CCDC141: variants seen among roughly 807,000 people sequenced by gnomAD.
The protein encoded by CCDC141 is coiled-coil domain-containing protein 141.
In CCDC141, 168 loss-of-function variants were observed where a neutral mutation model predicts 181.0. The observed-to-expected ratio is 0.93, with a 90% CI of 0.82 to 1.05. The LOEUF (loss-of-function observed/expected upper bound fraction) is 1.05, where lower values mean the gene tolerates loss of function less well. Among genes scored for constraint, CCDC141 ranks in the 50% least tolerant of loss-of-function variants. The pLI is 0.00. For missense variants in CCDC141, 1,902 were observed against 1,788.5 expected (o/e 1.06, Z -1.14); for synonymous variants, 666 against 642.3 (o/e 1.04, Z -0.56).
At chr2:179,001,119 T>C (rs2134739) in intron 2 of CCDC141, among the ~76,000 whole-genome samples, 130,602 of 152,110 alleles carry the variant, frequency 0.86, 56,899 homozygotes, top group Non-Finnish European at 0.93. Flanking sequence ...TGAGAAAATA[T>C]GAAAAAAGTC....
In CCDC141 at chr2:178,885,020, C is replaced by T. The variant is rs112292444; in HGVS notation, c.1600G>A (p.Val534Ile). 3.7e-4 allele frequency: 569 copies of T among 1,550,362 alleles called. 2 individuals carry two copies. The African/African-American group carries it at 6.5e-3, about 18-fold the overall frequency. ...EKNEFVSDEM[V>I]SLSSKARWLA... is the part of the protein sequence containing the mutation. ...CATCTAGCTTTAGAGGAAAGTGATACCATTTCATCAGATACAAATTCATTT... is the reference window on the plus strand; with the variant it reads ...CATCTAGCTTTAGAGGAAAGTGATATCATTTCATCAGATACAAATTCATTT... Residue 534 changes from valine to isoleucine, a missense_variant, in exon 11 of 24, where the codon GTA becomes ATA. Transcript: ENST00000443758.
chr2:178,945,876 C>CAT (rs770720866), intron 5 of CCDC141, among the ~76,000 whole-genome samples: 1 of 151,634 alleles, frequency 6.6e-6, no homozygotes, highest in South Asian at 2.1e-4. Context: ...CACACACACA[C>CAT]ATCAGAGTTA....
At chr2:178,933,504 C>T (rs1290041878) in intron 6 of CCDC141, among the ~76,000 whole-genome samples, 1 of 152,114 alleles carries the variant, frequency 6.6e-6, no homozygotes, top group Non-Finnish European at 1.5e-5. Context: ...GGGAGTCACA[C>T]CTTGAATAAC....
intron 7 of CCDC141, among the ~76,000 whole-genome samples, chr2:178,913,452 A>G (rs1287040515): frequency 6.6e-6 from 1 of 150,394 alleles, no homozygotes; most frequent in Non-Finnish European, 1.5e-5. Context: ...GACCATTTTA[A>G]TTATTTTTTT....
intron 7 of CCDC141, among the ~76,000 whole-genome samples, chr2:178,906,326 G>A (rs1687968231): frequency 6.6e-6 from 1 of 152,178 alleles, no homozygotes; most frequent in Admixed American, 6.5e-5. Context: ...GTATTAAGAT[G>A]GAGGAGTGTA....
At chr2:179,049,711 C>T in intron 1 of CCDC141, 129 bp downstream of exon 1, 13 of 907,884 alleles carry the variant, frequency 1.4e-5, no homozygotes, top group South Asian at 3.7e-5. Context: ...TTTTAGAAAG[C>T]AGTAAGAGTG....
At position 178,872,112 on chromosome 2, in the gene CCDC141, T is replaced by A. The variant is rs373670801; in HGVS notation, c.2079+21A>T. ...TGTCGGAATTTCATTCCTTTTCACA[T>A]CCCATTGTTCCTTGCCTCACCTTTT... On this transcript the variant is annotated intron_variant, in intron 13 of 23. Transcript: ENST00000443758. 21 of 1,603,270 alleles carry A rather than the reference T, an allele frequency of 1.3e-5. No homozygotes were observed. The African/African-American group carries it at 2.2e-4, about 16-fold the overall frequency.
At chr2:178,857,208 A>C (rs1473999127) in intron 17 of CCDC141, among the ~76,000 whole-genome samples, 1 of 152,174 alleles carries the variant, frequency 6.6e-6, no homozygotes, top group African/African-American at 2.4e-5. Context: ...GTATACATTT[A>C]TTAAGGCTCC....
In CCDC141 at chr2:178,865,766, C is replaced by T; in HGVS notation, c.2724+1G>A. ...CCAGTTCTCACCCCTCCCACACCCA[C>T]CTCATTTATCTCGTCTCTCATGGCG... On this transcript the variant is annotated splice_donor_variant, in intron 17 of 23. Coordinates refer to ENST00000443758, the MANE Select transcript of CCDC141 (RefSeq NM_173648.4). LOFTEE classifies it high-confidence loss of function. 1 of 1,510,280 alleles carries T rather than the reference C, an allele frequency of 6.6e-7. No individual in the cohort carries two copies. The highest frequency in any genetic ancestry group is 8.9e-7 in the Non-Finnish European group (1 of 1,127,576). The allele number at this position is 1,510,280 out of a possible 1,614,324, so 93.6% of individuals were successfully genotyped here. A position where few individuals can be genotyped will look rare whatever the true frequency, so the allele number is the denominator to read the frequency against.
chr2:179,045,383 G>T (rs1381961186), intron 2 of CCDC141, among the ~76,000 whole-genome samples: 1 of 148,098 alleles, frequency 6.8e-6, no homozygotes, highest in African/African-American at 2.5e-5. Context: ...TGGTGTATAT[G>T]TGCCACATTT....
At chr2:178,891,575 G>C (rs1378213011) in intron 8 of CCDC141, among the ~76,000 whole-genome samples, 3 of 135,746 alleles carry the variant, frequency 2.2e-5, no homozygotes, top group Non-Finnish European at 5.0e-5. Flanking sequence ...GCTTTTCTAA[G>C]TAATGCAATG....
intron 2 of CCDC141, among the ~76,000 whole-genome samples, chr2:178,996,350 T>A (rs911067792): frequency 6.6e-6 from 1 of 152,124 alleles, no homozygotes; most frequent in African/African-American, 2.4e-5. Context: ...AGTGCTGGGA[T>A]TAAAGGTGTG....
rs938280842 is a variant in CCDC141 at position 178,961,214 on chromosome 2, T to C, written c.780+16A>G. On this transcript the variant is annotated intron_variant, in intron 5 of 23. Coordinates refer to ENST00000443758, the MANE Select transcript of CCDC141 (RefSeq NM_173648.4). Reference sequence around the variant, plus strand: ...CAGCTGAGGCTGGAACATCATCCAATGCCCCTTTGGGTTACCTGGTTTTCT... The same window carrying C: ...CAGCTGAGGCTGGAACATCATCCAACGCCCCTTTGGGTTACCTGGTTTTCT... The C allele has an allele frequency of 1.3e-6, 2 of 1,548,954 alleles. No individual in the cohort carries two copies. The highest frequency in any genetic ancestry group is 1.7e-6 in the Non-Finnish European group (2 of 1,145,716).
At chr2:178,929,937 A>T (rs1425412063) in intron 6 of CCDC141, among the ~76,000 whole-genome samples, 1 of 152,142 alleles carries the variant, frequency 6.6e-6, no homozygotes, top group East Asian at 1.9e-4. Context: ...TAGTTTGAGA[A>T]GCTCTGGTCT....
chr2:179,022,752 G>A (rs1193691941), intron 2 of CCDC141, among the ~76,000 whole-genome samples: 1 of 152,062 alleles, frequency 6.6e-6, no homozygotes, highest in African/African-American at 2.4e-5. Flanking sequence ...TATATTTCTG[G>A]AGGCCAAGAA....
intron 17 of CCDC141, among the ~76,000 whole-genome samples, chr2:178,860,173 T>C (rs1454887313): frequency 2.0e-5 from 3 of 152,230 alleles, no homozygotes; most frequent in African/African-American, 7.2e-5. Flanking sequence ...GATGCTCATA[T>C]TCAGTAACAG....
the CCDC141 span, among the ~76,000 whole-genome samples, chr2:178,821,661 C>T: frequency 2.0e-5 from 3 of 152,164 alleles, no homozygotes; most frequent in Admixed American, 6.6e-5. Flanking sequence ...TGAAAAAATG[C>T]TCATCATCAC....
intron 11 of CCDC141, among the ~76,000 whole-genome samples, chr2:178,882,142 T>C (rs1686652988): frequency 6.6e-6 from 1 of 151,954 alleles, no homozygotes; most frequent in Non-Finnish European, 1.5e-5. Context: ...AAGGCCAAGG[T>C]GGGTGGATCA....
chr2:178,945,173 T>C (rs76069429), intron 5 of CCDC141, among the ~76,000 whole-genome samples: 1,926 of 152,250 alleles, frequency 0.013, 43 homozygotes, highest in African/African-American at 0.044. Flanking sequence ...ACTTGATTTA[T>C]AATACATGCC....
Sources: allele counts gnomAD v4.1 joint callset (sites outside exome capture counted in the v4.1 genomes callset), GRCh38; gene constraint gnomAD v4.1.1; transcripts MANE v1.5; gene names NCBI Gene and HGNC (gene_info 2026-07-23, HGNC 2026-07-21).